Variants in RBFOX3 observed in about 807,000 individuals in gnomAD.
RBFOX3 encodes the protein RNA binding protein fox-1 homolog 3.
Under a neutral mutation model 48.7 loss-of-function variants are expected in RBFOX3, and 17 were observed. The observed-to-expected ratio is 0.35, with a 90% CI of 0.24 to 0.52. The LOEUF (loss-of-function observed/expected upper bound fraction) is 0.52, where lower values mean the gene tolerates loss of function less well. Among genes scored for constraint, RBFOX3 ranks in the 20% least tolerant of loss-of-function variants. The pLI is 0.94. For missense variants in RBFOX3, 382 were observed against 497.5 expected (o/e 0.77, Z 2.21); for synonymous variants, 212 against 209.5 (o/e 1.01, Z -0.10).
intron 4 of RBFOX3, among the ~76,000 whole-genome samples, chr17:79,164,827 T>G (rs541044390): frequency 6.6e-6 from 1 of 152,284 alleles, no homozygotes; most frequent in South Asian, 2.1e-4. Context: ...GGAGCCAAAC[T>G]GCAGAAAATG....
intron 1 of RBFOX3, among the ~76,000 whole-genome samples, chr17:79,488,641 CT>C: frequency 6.6e-6 from 1 of 152,342 alleles, no homozygotes; most frequent in African/African-American, 2.4e-5. Context: ...TCCGCATCAA[CT>C]CACAGGAAGT....
chr17:79,542,371 G>T (rs2089839471), intron 1 of RBFOX3, among the ~76,000 whole-genome samples: 1 of 152,170 alleles, frequency 6.6e-6, no homozygotes, highest in Non-Finnish European at 1.5e-5. Context: ...GAGCGCTAGT[G>T]GGGCGGCTCC....
At chr17:79,128,465 C>T (rs1037235693) in intron 4 of RBFOX3, among the ~76,000 whole-genome samples, 5 of 152,140 alleles carry the variant, frequency 3.3e-5, no homozygotes, top group Admixed American at 3.3e-4. Flanking sequence ...GACAGGAGGG[C>T]CCGTGCAGCC....
intron 4 of RBFOX3, among the ~76,000 whole-genome samples, chr17:79,149,367 G>A (rs2043800960): frequency 6.6e-6 from 1 of 152,170 alleles, no homozygotes; most frequent in South Asian, 2.1e-4. Context: ...GGAGGACAAA[G>A]GGGGGCTTGG....
chr17:79,424,578 C>T (rs1407972966), intron 2 of RBFOX3, among the ~76,000 whole-genome samples: 1 of 152,170 alleles, frequency 6.6e-6, no homozygotes, highest in African/African-American at 2.4e-5. Flanking sequence ...GGGTGGTGCC[C>T]ACTGAGTCTC....
chr17:79,357,444 A>G (rs919888546), intron 2 of RBFOX3, among the ~76,000 whole-genome samples: 61 of 152,336 alleles, frequency 4.0e-4, no homozygotes, highest in African/African-American at 1.4e-3. Context: ...CCTGGTCAAC[A>G]TGGTGAAACC....
At chr17:79,380,999 T>C (rs561784693) in intron 2 of RBFOX3, among the ~76,000 whole-genome samples, 23 of 152,308 alleles carry the variant, frequency 1.5e-4, no homozygotes, top group South Asian at 1.2e-3. Flanking sequence ...CAGTGGCTCA[T>C]GCCTGTAATC....
chr17:79,279,270 G>T (rs769480427), intron 3 of RBFOX3, among the ~76,000 whole-genome samples: 1 of 152,102 alleles, frequency 6.6e-6, no homozygotes, highest in Non-Finnish European at 1.5e-5. Context: ...GGACATTTTG[G>T]GGACATGGGT....
intron 3 of RBFOX3, among the ~76,000 whole-genome samples, chr17:79,265,135 C>A (rs187657387): frequency 6.6e-6 from 1 of 152,228 alleles, no homozygotes; most frequent in Non-Finnish European, 1.5e-5. Context: ...GCCCCCCGTT[C>A]CAAAGGACAA....
chr17:79,267,100 C>A (rs891990240), intron 3 of RBFOX3, among the ~76,000 whole-genome samples: 1 of 152,122 alleles, frequency 6.6e-6, no homozygotes, highest in African/African-American at 2.4e-5. Flanking sequence ...CTTTGCCCTG[C>A]ACCTTGGAGT....
rs972276830 is a variant in RBFOX3 at position 79,111,404 on chromosome 17, C to T, written c.222+4090G>A. 2.0e-4 allele frequency among the ~76,000 whole-genome samples: 31 copies of T among 152,270 alleles called. No homozygotes were observed. The highest frequency in any genetic ancestry group is 6.5e-4 in the African/African-American group (27 of 41,570). On this transcript the variant is annotated intron_variant, in intron 5 of 14. Coordinates refer to ENST00000693108, the MANE Select transcript of RBFOX3 (RefSeq NM_001350451.2). This position sits in a 1 kb window ranked among gnomAD's most constrained non-coding sequence, Gnocchi z 4.2. ...TGGCTGGCCCTCCACAGTGACCCTC[C>T]GTGCTTTGTCTGGCATTTTTTTTAT...
At chr17:79,530,579 C>T (rs977791671) in intron 1 of RBFOX3, among the ~76,000 whole-genome samples, 2,095 of 152,268 alleles carry the variant, frequency 0.014, 41 homozygotes, top group African/African-American at 0.047. Flanking sequence ...GCAAGCCAGA[C>T]CACAGAGACC....
chr17:79,664,580 T>C, the RBFOX3 span, among the ~76,000 whole-genome samples: 1 of 152,180 alleles, frequency 6.6e-6, no homozygotes, highest in African/African-American at 2.4e-5. Flanking sequence ...ACTCCTGACC[T>C]CAGGTGATCC....
intron 1 of RBFOX3, among the ~76,000 whole-genome samples, chr17:79,592,905 C>A (rs1486519484): frequency 6.6e-6 from 1 of 152,206 alleles, no homozygotes; most frequent in Non-Finnish European, 1.5e-5. Flanking sequence ...CAGAAGGAAC[C>A]TGGCACACCC....
In RBFOX3 at chr17:79,308,226, G is replaced by GGAT. The variant is rs761405763; in HGVS notation, c.-174-405_-174-403dup. ...TCTCATGCCAGCAGAGCCTCCTTGG[G>GGAT]GATGAATCCTCAGCACCAGGCCCAG... On this transcript the variant is annotated intron_variant, in intron 2 of 14. Coordinates refer to ENST00000693108, the MANE Select transcript of RBFOX3 (RefSeq NM_001350451.2). Among the ~76,000 whole-genome samples, 58 of 151,638 alleles carry GGAT rather than the reference G, an allele frequency of 3.8e-4. 1 individual carries two copies. In the South Asian group the frequency reaches 9.1e-3, roughly 24 times the overall value.
intron 5 of RBFOX3, 30 bp downstream of exon 5, chr17:79,115,464 G>A: frequency 2.3e-6 from 3 of 1,283,356 alleles, no homozygotes; most frequent in Non-Finnish European, 3.0e-6. Context: ...GAAGCTCCAG[G>A]GCTGGGCCTG....
intron 4 of RBFOX3, among the ~76,000 whole-genome samples, chr17:79,187,329 G>A (rs984540986): frequency 2.6e-4 from 40 of 152,314 alleles, no homozygotes; most frequent in Non-Finnish European, 3.8e-4. Flanking sequence ...CGCCCAGGCC[G>A]ACCATCCTCA....
intron 2 of RBFOX3, among the ~76,000 whole-genome samples, chr17:79,396,245 G>A (rs2148313750): frequency 6.6e-6 from 1 of 152,296 alleles, no homozygotes; most frequent in Admixed American, 6.5e-5. Context: ...ATTTGGACTG[G>A]GCAGAGCCGG....
chr17:79,262,484 G>A (rs1194796094), intron 3 of RBFOX3, among the ~76,000 whole-genome samples: 1 of 152,272 alleles, frequency 6.6e-6, no homozygotes, highest in African/African-American at 2.4e-5. Context: ...TCGATGGGTA[G>A]ATCTCCACTG....
Sources: allele counts gnomAD v4.1 joint callset (sites outside exome capture counted in the v4.1 genomes callset), GRCh38; gene constraint gnomAD v4.1.1; non-coding constraint Gnocchi (gnomAD v3.1); transcripts MANE v1.5; gene names NCBI Gene and HGNC (gene_info 2026-07-23, HGNC 2026-07-21).